The following PCDHGC3 variants were observed in gnomAD, a reference collection of about 807,000 sequenced individuals.
The protein encoded by PCDHGC3 is protocadherin gamma subfamily C, 3.
Under a neutral mutation model 59.2 loss-of-function variants are expected in PCDHGC3, and 26 were observed. The ratio of observed to expected loss-of-function variants is 0.44; its 90% confidence interval spans 0.32 to 0.61. PCDHGC3 has a LOEUF of 0.61. PCDHGC3 is among the 20% of genes least tolerant of loss of function. The pLI, the probability that PCDHGC3 is intolerant of heterozygous loss-of-function variation, is 0.05. For missense variants in PCDHGC3, 1,080 were observed against 1,221.8 expected, an observed-to-expected ratio of 0.88 and a Z score of 1.73; for synonymous variants, 487 against 519.7, an observed-to-expected ratio of 0.94 and a Z score of 0.86.
At position 141,490,954 on chromosome 5, in the gene PCDHGC3, G is replaced by A. The variant is rs749646808; in HGVS notation, c.2431-3853G>A. On this transcript the variant is annotated intron_variant, in intron 1 of 3. Coordinates refer to ENST00000308177, the MANE Select transcript of PCDHGC3 (RefSeq NM_002588.4). This position sits in a 1 kb window ranked among gnomAD's most constrained non-coding sequence, Gnocchi z 5.4. ...TGTGCTGCACCCACGGCCAGACTGGGAACACTCAGCCCCCCAGCGTCTCCC... is the reference window on the plus strand; with the variant it reads ...TGTGCTGCACCCACGGCCAGACTGGAAACACTCAGCCCCCCAGCGTCTCCC... 9 of 1,613,662 alleles carry A rather than the reference G, an allele frequency of 5.6e-6. No individual in the cohort carries two copies. The African/African-American group carries it at 8.0e-5, about 14-fold the overall frequency.
rs369940443 is a variant in PCDHGC3, at chr5:141,477,841, C to G, written c.1725C>G (p.Ser575Arg). 6.2e-7 allele frequency: 1 copy of G among 1,613,308 alleles called. No individual in the cohort carries two copies. The highest frequency in any genetic ancestry group is 1.3e-5 in the African/African-American group (1 of 74,700). Residue 575 changes from serine to arginine, a missense_variant, in exon 1 of 4, where the codon AGC becomes AGG. Ser to Arg is a moderately radical substitution (Grantham distance 110). Coordinates refer to ENST00000308177, the MANE Select transcript of PCDHGC3 (RefSeq NM_002588.4). The surrounding 1 kb of genome is among the most constrained non-coding windows in gnomAD (Gnocchi z 4.9). Reference protein sequence around the residue: ...PQVLYPRPGGSSVEMLPRGTS... With the variant: ...PQVLYPRPGGRSVEMLPRGTS... ...TCCTATATCCTCGGCCAGGTGGGAG[C>G]TCGGTGGAGATGCTGCCTCGAGGTA...
chr5:141,507,851 C>T (rs570052933), intron 3 of PCDHGC3, among the ~76,000 whole-genome samples: 48 of 152,322 alleles, frequency 3.2e-4, no homozygotes, highest in African/African-American at 1.1e-3. Context: ...CCTGCTCTCA[C>T]TTTCACACCC....
At position 141,491,809 on chromosome 5, in the gene PCDHGC3, C is replaced by A. The variant is rs1421763758; in HGVS notation, c.2431-2998C>A. The A allele has an allele frequency of 6.7e-7, 1 of 1,487,044 alleles. No homozygotes were observed. The highest frequency in any genetic ancestry group is 1.4e-5 in the South Asian group (1 of 72,986). The allele number at this position is 1,487,044 out of a possible 1,614,324, so 92.1% of individuals were successfully genotyped here. On this transcript the variant is annotated intron_variant, in intron 1 of 3. Coordinates refer to ENST00000308177, the MANE Select transcript of PCDHGC3 (RefSeq NM_002588.4). This position sits in a 1 kb window ranked among gnomAD's most constrained non-coding sequence, Gnocchi z 6.9. Reference sequence around the variant, plus strand: ...TCCACTCCTCTCCGGCCGGCTTGGTCGCTGGCTGCGCTCCACCCGATTCTC... The same window carrying A: ...TCCACTCCTCTCCGGCCGGCTTGGTAGCTGGCTGCGCTCCACCCGATTCTC...
At position 141,487,194 on chromosome 5, in the gene PCDHGC3, C is replaced by T. The variant is rs148502966; in HGVS notation, c.2431-7613C>T. 2 of 1,613,868 alleles carry T rather than the reference C, an allele frequency of 1.2e-6. No homozygotes were observed. The highest frequency in any genetic ancestry group is 1.3e-5 in the African/African-American group (1 of 75,030). On this transcript the variant is annotated intron_variant, in intron 1 of 3. Coordinates refer to ENST00000308177, the MANE Select transcript of PCDHGC3 (RefSeq NM_002588.4). The surrounding 1 kb of genome is among the most constrained non-coding windows in gnomAD (Gnocchi z 5.0). ...GAGGAAGACACTCATCCAGTTGTCC[C>T]AGATCTTCGAGAATCTTCAGCTCCA... is the stretch of plus-strand genomic sequence containing the variant.
At position 141,477,492 on chromosome 5, in the gene PCDHGC3, A is replaced by T; in HGVS notation, c.1376A>T (p.Gln459Leu). ...DINDNPPQSS[Q>L]SSYDVYIEEN... ...AATGACAACCCTCCACAATCTTCTC[A>T]ATCTTCCTACGACGTTTACATTGAA... Residue 459 changes from glutamine to leucine, a missense_variant, in exon 1 of 4, where the codon CAA becomes CTA. Coordinates refer to ENST00000308177, the MANE Select transcript of PCDHGC3 (RefSeq NM_002588.4). The surrounding 1 kb of genome is among the most constrained non-coding windows in gnomAD (Gnocchi z 4.9). The T allele has an allele frequency of 6.2e-7, 1 of 1,613,980 alleles. No individual in the cohort carries two copies. The highest frequency in any genetic ancestry group is 8.5e-7 in the Non-Finnish European group (1 of 1,179,958).
intron 1 of PCDHGC3, among the ~76,000 whole-genome samples, chr5:141,484,796 C>A (rs987893041): frequency 1.3e-5 from 2 of 151,304 alleles, no homozygotes; most frequent in African/African-American, 4.9e-5. Flanking sequence ...GATAACAACC[C>A]GTGGAAAAAC....
At chr5:141,510,139 G>T (rs931012964) in intron 3 of PCDHGC3, among the ~76,000 whole-genome samples, 1 of 152,136 alleles carries the variant, frequency 6.6e-6, no homozygotes, top group Non-Finnish European at 1.5e-5. Context: ...CTGGGCTAGT[G>T]GTGTGCACCT....
At chr5:141,483,761 GA>G (rs1376816525) in intron 1 of PCDHGC3, among the ~76,000 whole-genome samples, 1 of 152,118 alleles carries the variant, frequency 6.6e-6, no homozygotes, top group African/African-American at 2.4e-5. Flanking sequence ...TCGAGGCTTG[GA>G]AAAATATTGG....
At chr5:141,494,232 A>T (rs2099752983) in intron 1 of PCDHGC3, among the ~76,000 whole-genome samples, 1 of 152,168 alleles carries the variant, frequency 6.6e-6, no homozygotes, top group African/African-American at 2.4e-5. Flanking sequence ...TCCTAAATTA[A>T]TAATGTATTT....
chr5:141,487,771 T>C lies in PCDHGC3; in HGVS notation c.2431-7036T>C. The C allele has an allele frequency of 1.3e-6, 2 of 1,537,446 alleles. No homozygotes were observed. Among genetic ancestry groups the C allele is most frequent in the South Asian group, 2.4e-5 (2 of 82,456 alleles). ...ACTATGTGGTAGACGCTGTGCTTTGTAACTGTTTCGTGAATTAACCAGAGT... is the reference window on the plus strand; with the variant it reads ...ACTATGTGGTAGACGCTGTGCTTTGCAACTGTTTCGTGAATTAACCAGAGT... On this transcript the variant is annotated intron_variant, in intron 1 of 3. Coordinates refer to ENST00000308177, the MANE Select transcript of PCDHGC3 (RefSeq NM_002588.4). This position sits in a 1 kb window ranked among gnomAD's most constrained non-coding sequence, Gnocchi z 5.0.
At position 141,491,796 on chromosome 5, in the gene PCDHGC3, C is replaced by T. The variant is rs1487915203; in HGVS notation, c.2431-3011C>T. The stretch of plus-strand genomic sequence containing the variant: ...GATTGAACTTGCATCCACTCCTCTC[C>T]GGCCGGCTTGGTCGCTGGCTGCGCT... On this transcript the variant is annotated intron_variant, in intron 1 of 3. Transcript: ENST00000308177. The surrounding 1 kb of genome is among the most constrained non-coding windows in gnomAD (Gnocchi z 6.9). 6.6e-7 allele frequency: 1 copy of T among 1,509,866 alleles called. No homozygotes were observed. The highest frequency in any genetic ancestry group is 2.4e-5 in the Admixed American group (1 of 42,218). The allele number at this position is 1,509,866 out of a possible 1,614,324, so 93.5% of individuals were successfully genotyped here. A position where few individuals can be genotyped will look rare whatever the true frequency, so the allele number is the denominator to read the frequency against.
Position 141,486,362 on chromosome 5 carries a change from C to A in PCDHGC3, c.2430+7816C>A. On this transcript the variant is annotated intron_variant, in intron 1 of 3. Coordinates refer to ENST00000308177, the MANE Select transcript of PCDHGC3 (RefSeq NM_002588.4). The surrounding 1 kb of genome is among the most constrained non-coding windows in gnomAD (Gnocchi z 5.0). ...CATTCCTGACCACTTGCCATTTGCC[C>A]TCAAGTCTGCCTTCAGGAACCAGTT... The A allele has an allele frequency of 6.2e-7, 1 of 1,614,132 alleles. No individual in the cohort carries two copies. The highest frequency in any genetic ancestry group is 1.7e-5 in the Admixed American group (1 of 60,024).
Position 141,491,329 on chromosome 5 carries a change from G to A in PCDHGC3, c.2431-3478G>A. The A allele has an allele frequency of 6.2e-7, 1 of 1,614,142 alleles. No individual in the cohort carries two copies. Among genetic ancestry groups the A allele is most frequent in the Non-Finnish European group, 8.5e-7 (1 of 1,180,022 alleles). On this transcript the variant is annotated intron_variant, in intron 1 of 3. Coordinates refer to ENST00000308177, the MANE Select transcript of PCDHGC3 (RefSeq NM_002588.4). The surrounding 1 kb of genome is among the most constrained non-coding windows in gnomAD (Gnocchi z 6.9). ...AGACCTTACCCTTTACCTCATTGTG[G>A]CTCTAGCGACCGTCAGTCTCTTATC...
chr5:141,508,904 T>C (rs1421450229), intron 3 of PCDHGC3, among the ~76,000 whole-genome samples: 2 of 151,336 alleles, frequency 1.3e-5, no homozygotes, highest in African/African-American at 4.9e-5. Context: ...GGCGGGGCGG[T>C]GGCGGATCTG....
Position 141,491,019 on chromosome 5 carries a change from A to G in PCDHGC3, c.2431-3788A>G. 5 of 1,614,116 alleles carry G rather than the reference A, an allele frequency of 3.1e-6. No individual in the cohort carries two copies. The highest frequency in any genetic ancestry group is 4.2e-6 in the Non-Finnish European group (5 of 1,180,026). ...CTGGCTCCTTGGTCACCAAGGTGAC[A>G]GCCGTGGATGCTGATGCAGGCCACA... On this transcript the variant is annotated intron_variant, in intron 1 of 3. Coordinates refer to ENST00000308177, the MANE Select transcript of PCDHGC3 (RefSeq NM_002588.4). This position sits in a 1 kb window ranked among gnomAD's most constrained non-coding sequence, Gnocchi z 6.9.
chr5:141,491,578 C>G lies in PCDHGC3; in HGVS notation c.2431-3229C>G, dbSNP rs1438933474. ...CCACTGCTACAGGACGTGCTTTTCA[C>G]CGGCCTCGGACGGCAGTGACTTCAC... On this transcript the variant is annotated intron_variant, in intron 1 of 3. Transcript: ENST00000308177. This position sits in a 1 kb window ranked among gnomAD's most constrained non-coding sequence, Gnocchi z 6.9. The G allele has an allele frequency of 1.9e-6, 3 of 1,614,006 alleles. No individual in the cohort carries two copies. Among genetic ancestry groups the G allele is most frequent in the Non-Finnish European group, 2.5e-6 (3 of 1,180,036 alleles).
At position 141,493,188 on chromosome 5, in the gene PCDHGC3, C is replaced by T. The variant is rs1292810486; in HGVS notation, c.2431-1619C>T. Among the ~76,000 whole-genome samples the T allele has an allele frequency of 2.6e-5, 4 of 152,216 alleles. No individual in the cohort carries two copies. Among genetic ancestry groups the T allele is most frequent in the Non-Finnish European group, 4.4e-5 (3 of 68,046 alleles). ...ATTGAGAGAAACTTACTATATAACT[C>T]CTTTGAGAACCTCATCTCATTTGCT... On this transcript the variant is annotated intron_variant, in intron 1 of 3. Coordinates refer to ENST00000308177, the MANE Select transcript of PCDHGC3 (RefSeq NM_002588.4). The surrounding 1 kb of genome is among the most constrained non-coding windows in gnomAD (Gnocchi z 4.3).
rs534845593 is a variant in PCDHGC3, at chr5:141,478,216, G to A, written c.2100G>A (p.Leu700=). Residue 700 remains leucine (L), a synonymous_variant, in exon 1 of 4, where the codon CTG becomes CTA. Coordinates refer to ENST00000308177, the MANE Select transcript of PCDHGC3 (RefSeq NM_002588.4). ...TTTATCTACTTCTTTCTCTAATCCTGGTTTCTGTGGGGTTTGTGGTCACAG... is the reference window on the plus strand; with the variant it reads ...TTTATCTACTTCTTTCTCTAATCCTAGTTTCTGTGGGGTTTGTGGTCACAG... ...LTFYLLLSLI[L]VSVGFVVTVF... is the part of the protein sequence containing the mutation. 414 of 1,614,090 alleles carry A rather than the reference G, an allele frequency of 2.6e-4. 9 individuals carry two copies. In the South Asian group the frequency reaches 4.4e-3, roughly 17 times the overall value.
Position 141,486,859 on chromosome 5 carries a change from T to C in PCDHGC3, c.2431-7948T>C, listed in dbSNP as rs1231188225. ...TTGTGCTGGACCTCAATGACAATGC[T>C]CCAGCTGTGCTCCGTCCTCGGGCCC... On this transcript the variant is annotated intron_variant, in intron 1 of 3. Transcript: ENST00000308177. The surrounding 1 kb of genome is among the most constrained non-coding windows in gnomAD (Gnocchi z 5.0). The C allele has an allele frequency of 1.9e-6, 3 of 1,614,242 alleles. No individual in the cohort carries two copies. The highest frequency in any genetic ancestry group is 2.7e-5 in the African/African-American group (2 of 75,072).
Sources: allele counts gnomAD v4.1 joint callset (sites outside exome capture counted in the v4.1 genomes callset), GRCh38; gene constraint gnomAD v4.1.1; non-coding constraint Gnocchi (gnomAD v3.1); transcripts MANE v1.5; gene names NCBI Gene and HGNC (gene_info 2026-07-23, HGNC 2026-07-21).